The following ATP2C1 variants were observed in gnomAD, a reference collection of about 807,000 sequenced individuals.
The protein encoded by ATP2C1 is calcium-transporting ATPase type 2C member 1.
In ATP2C1, 31 loss-of-function variants were observed where a neutral mutation model predicts 120.5. The observed-to-expected ratio is 0.26, with a 90% confidence interval of 0.19 to 0.35. The LOEUF is 0.35. Ranked by LOEUF, ATP2C1 falls within the 10% of genes least tolerant of loss-of-function variation. ATP2C1 has a pLI of 1.00. For missense variants in ATP2C1, 731 were observed against 1,107.5 expected (o/e 0.66, Z 4.83); for synonymous variants, 351 against 358.7 (o/e 0.98, Z 0.24).
At chr3:131,008,458 T>G (rs2063199529) in intron 26 of ATP2C1, among the ~76,000 whole-genome samples, 1 of 150,364 alleles carries the variant, frequency 6.7e-6, no homozygotes, top group African/African-American at 2.4e-5. Context: ...AAAGAAAAAC[T>G]GTGCCATGCT....
chr3:130,936,243 C>A (rs1457796384), intron 5 of ATP2C1, among the ~76,000 whole-genome samples: 1 of 151,754 alleles, frequency 6.6e-6, no homozygotes, highest in Admixed American at 6.6e-5. Context: ...AATGTGGTAA[C>A]CTTGGGGAAG....
chr3:130,883,068 T>A (rs1011112357), intron 1 of ATP2C1, among the ~76,000 whole-genome samples: 1 of 152,214 alleles, frequency 6.6e-6, no homozygotes, highest in African/African-American at 2.4e-5. Flanking sequence ...TGGTTCAATC[T>A]TGGTAGGTTG....
At chr3:130,867,702 C>T (rs1337546445) in intron 1 of ATP2C1, among the ~76,000 whole-genome samples, 103 of 148,944 alleles carry the variant, frequency 6.9e-4, no homozygotes, top group Non-Finnish European at 1.2e-3. Flanking sequence ...AGCCTCTGCC[C>T]GGCCGCCACC....
At chr3:130,878,681 T>C (rs1273989251) in intron 1 of ATP2C1, among the ~76,000 whole-genome samples, 1 of 152,246 alleles carries the variant, frequency 6.6e-6, no homozygotes, top group Non-Finnish European at 1.5e-5. Context: ...ACAATTTCTT[T>C]CTTTCAGCAC....
Position 130,894,744 on chromosome 3 carries a change from C to T in ATP2C1, c.-26C>T. ...CTGACACTAAAGACTTTGTAGCCAT[C>T]AACCCGAGTGCAGTTTCGATGGAAA... On this transcript the variant is annotated 5_prime_UTR_variant, in exon 2 of 28. Coordinates refer to ENST00000510168, the MANE Select transcript of ATP2C1 (RefSeq NM_001378687.1). This position sits in a 1 kb window ranked among gnomAD's most constrained non-coding sequence, Gnocchi z 4.5. The T allele has an allele frequency of 6.2e-7, 1 of 1,614,198 alleles. No individual in the cohort carries two copies. Among genetic ancestry groups the T allele is most frequent in the Non-Finnish European group, 8.5e-7 (1 of 1,180,032 alleles).
At chr3:130,851,363 T>A (rs892602067) in intron 1 of ATP2C1, among the ~76,000 whole-genome samples, 1 of 152,188 alleles carries the variant, frequency 6.6e-6, no homozygotes, top group African/African-American at 2.4e-5. Context: ...TTATAAACTA[T>A]AATAACCTTA....
chr3:131,010,664 A>G (rs908797332), intron 26 of ATP2C1, among the ~76,000 whole-genome samples: 2 of 152,170 alleles, frequency 1.3e-5, no homozygotes, highest in Admixed American at 6.5e-5. Flanking sequence ...TTGGCTGCCC[A>G]TTGAAATTGT....
chr3:130,949,661 A>G (rs991205621), intron 8 of ATP2C1, among the ~76,000 whole-genome samples: 5 of 152,200 alleles, frequency 3.3e-5, no homozygotes, highest in African/African-American at 1.2e-4. Flanking sequence ...CGAATCAGAA[A>G]GTTAGCAATT....
intron 1 of ATP2C1, among the ~76,000 whole-genome samples, chr3:130,862,510 T>C (rs986935687): frequency 2.6e-5 from 4 of 152,034 alleles, no homozygotes; most frequent in Admixed American, 6.5e-5. Flanking sequence ...AAAGAGATAA[T>C]AGAAAGATAA....
chr3:131,007,393 A>T (rs924360342), downstream of ATP2C1, among the ~76,000 whole-genome samples: 1 of 152,226 alleles, frequency 6.6e-6, no homozygotes, highest in African/African-American at 2.4e-5. Context: ...TGGTGGCTTC[A>T]TGGCTGTTAG....
chr3:131,001,850 T>C lies in ATP2C1; in HGVS notation c.*500T>C. On this transcript the variant is annotated 3_prime_UTR_variant, in exon 28 of 28. Transcript: ENST00000510168. ...ACTGTATTTCCTTTTTCTTGTAATGTAAGCAGCTCAGATACCATGTGCTAT... is the reference window on the plus strand; with the variant it reads ...ACTGTATTTCCTTTTTCTTGTAATGCAAGCAGCTCAGATACCATGTGCTAT... 1 of 986,004 alleles carries C rather than the reference T, an allele frequency of 1.0e-6. No individual in the cohort carries two copies. Among genetic ancestry groups the C allele is most frequent in the African/African-American group, 1.7e-5 (1 of 57,266 alleles). The allele number at this position is 986,004 out of a possible 1,614,324, so 61.1% of individuals were successfully genotyped here. A position where few individuals can be genotyped will look rare whatever the true frequency, so the allele number is the denominator to read the frequency against.
intron 2 of ATP2C1, among the ~76,000 whole-genome samples, chr3:130,923,972 G>A (rs1192934055): frequency 6.6e-6 from 1 of 151,730 alleles, no homozygotes; most frequent in Non-Finnish European, 1.5e-5. Context: ...TCTGTGTTAG[G>A]TGAGTCTCTT....
chr3:131,016,196 TC>T (rs778079119), exon 27 of ATP2C1: 104 of 1,614,054 alleles, frequency 6.4e-5, no homozygotes, highest in Non-Finnish European at 8.1e-5. Context: ...TTGAGATACA[TC>T]CCCATCTGGA....
At chr3:130,862,281 C>A (rs1420364362) in intron 1 of ATP2C1, among the ~76,000 whole-genome samples, 1 of 150,038 alleles carries the variant, frequency 6.7e-6, no homozygotes, top group East Asian at 1.9e-4. Context: ...CTGTGCCCGG[C>A]CTTTATTTTT....
At chr3:130,884,035 G>A (rs761701181) in intron 1 of ATP2C1, among the ~76,000 whole-genome samples, 6 of 145,826 alleles carry the variant, frequency 4.1e-5, no homozygotes, top group African/African-American at 1.3e-4. Flanking sequence ...TCCGCCTCTC[G>A]GGTTCAAGTA....
At chr3:130,855,237 T>A (rs2067798597) in intron 1 of ATP2C1, among the ~76,000 whole-genome samples, 1 of 152,232 alleles carries the variant, frequency 6.6e-6, no homozygotes. Context: ...AGTCAGAATT[T>A]TCTGCTTTAA....
chr3:130,922,433 T>C, intron 2 of ATP2C1, among the ~76,000 whole-genome samples: 1 of 152,160 alleles, frequency 6.6e-6, no homozygotes, highest in East Asian at 1.9e-4. Flanking sequence ...CATTTATTTT[T>C]TGTAATTTTT....
chr3:130,960,636 A>C (rs966813019), intron 12 of ATP2C1, among the ~76,000 whole-genome samples: 17 of 152,188 alleles, frequency 1.1e-4, no homozygotes, highest in Non-Finnish European at 2.5e-4. Flanking sequence ...GAGTTAATCA[A>C]ATCCAGAAGG....
chr3:131,004,352 G>A (rs1024992210), downstream of ATP2C1, among the ~76,000 whole-genome samples: 2 of 152,220 alleles, frequency 1.3e-5, no homozygotes, highest in African/African-American at 4.8e-5. Context: ...TGATGGTTAA[G>A]TTTCCTTGAG....
Sources: gnomAD v4.1 joint callset for allele counts (sites outside exome capture counted in the v4.1 genomes callset) on GRCh38, gnomAD v4.1.1 for gene constraint, Gnocchi (gnomAD v3.1) non-coding constraint, MANE v1.5 for transcripts, NCBI Gene and HGNC (gene_info 2026-07-23, HGNC 2026-07-21) for gene names.